The following CDK17 variants were observed in gnomAD, a reference collection of about 807,000 sequenced individuals.
CDK17 encodes cyclin-dependent kinase 17.
Under a neutral mutation model 77.6 loss-of-function variants are expected in CDK17, and 24 were observed. That is an observed-to-expected ratio of 0.31 (90% CI 0.22 to 0.44). CDK17 has a LOEUF of 0.44. Ranked by LOEUF, CDK17 falls within the 20% of genes least tolerant of loss-of-function variation. The pLI is 1.00. For missense variants in CDK17, 429 were observed against 622.5 expected, an observed-to-expected ratio of 0.69 and a Z score of 3.31; for synonymous variants, 203 against 210.4, an observed-to-expected ratio of 0.96 and a Z score of 0.30.
chr12:96,297,497 G>A (rs774137951), intron 8 of CDK17, 130 bp downstream of exon 8: 82 of 772,618 alleles, frequency 1.1e-4, no homozygotes, highest in South Asian at 4.6e-4. Flanking sequence ...AAAGTCTCTT[G>A]GGCTGTTAAA....
chr12:96,297,572 T>C (rs1192651641), intron 8 of CDK17, 55 bp downstream of exon 8: 6 of 1,155,122 alleles, frequency 5.2e-6, no homozygotes, highest in Admixed American at 2.3e-5. Flanking sequence ...AAAAGTCCAA[T>C]TTACTATGTT....
At chr12:96,309,118 C>T (rs1368526021) in intron 5 of CDK17, among the ~76,000 whole-genome samples, 1 of 152,174 alleles carries the variant, frequency 6.6e-6, no homozygotes, top group Non-Finnish European at 1.5e-5. Context: ...ACCTCTAAGG[C>T]TTTTCATTCT....
In CDK17 at chr12:96,280,172, T is replaced by C. The variant is rs1565800216; in HGVS notation, c.*70A>G. ...ATTCCAAGTCCACCAAAAGAAATAA[T>C]TGCCTTCAGTTCTGAGTCCTTGATT... On this transcript the variant is annotated 3_prime_UTR_variant, in exon 17 of 17. Coordinates refer to ENST00000261211, the MANE Select transcript of CDK17 (RefSeq NM_002595.5). 15 of 1,463,038 alleles carry C rather than the reference T, an allele frequency of 1.0e-5. No individual in the cohort carries two copies. Among genetic ancestry groups the C allele is most frequent in the Middle Eastern group, 1.7e-4 (1 of 5,760 alleles). The allele number at this position is 1,463,038 out of a possible 1,614,324, so 90.6% of individuals were successfully genotyped here. A position where few individuals can be genotyped will look rare whatever the true frequency, so the allele number is the denominator to read the frequency against.
rs776623055 is a variant in CDK17, at chr12:96,311,095, G to A, written c.500C>T (p.Pro167Leu). 1.2e-6 allele frequency: 2 copies of A among 1,601,832 alleles called. No individual in the cohort carries two copies. Among genetic ancestry groups the A allele is most frequent in the Admixed American group, 3.5e-5 (2 of 56,808 alleles). Residue 167 changes from proline to leucine, a missense_variant, in exon 5 of 17, where the codon CCA becomes CTA. Pro to Leu is a moderately conservative substitution (Grantham distance 98). Coordinates refer to ENST00000261211, the MANE Select transcript of CDK17 (RefSeq NM_002595.5). Reference protein sequence around the residue: ...YLEKLQINSPPFDQPMSRRSR... With the variant: ...YLEKLQINSPLFDQPMSRRSR... ...CCTTCGACTCATTGGTTGGTCAAAT[G>A]GTGGACTGTTTATCTGCAACTTTTC...
intron 10 of CDK17, among the ~76,000 whole-genome samples, chr12:96,292,605 AAAAC>A (rs201529081): frequency 0.013 from 1,933 of 152,284 alleles, 25 homozygotes; most frequent in Middle Eastern, 0.031. Flanking sequence ...ACCCTGTCTC[AAAAC>A]AAACAACCAA....
chr12:96,327,852 A>G (rs1952911646), intron 2 of CDK17, among the ~76,000 whole-genome samples: 1 of 152,120 alleles, frequency 6.6e-6, no homozygotes, highest in Admixed American at 6.6e-5. Context: ...TAGCCCCAAA[A>G]TATTTTTAAA....
chr12:96,351,890 A>G (rs1953317768), intron 1 of CDK17, among the ~76,000 whole-genome samples: 2 of 152,216 alleles, frequency 1.3e-5, no homozygotes, highest in Non-Finnish European at 2.9e-5. Flanking sequence ...GACGCTCACA[A>G]AAGACTGTTG....
At chr12:96,356,204 A>G (rs1279469357) in intron 1 of CDK17, among the ~76,000 whole-genome samples, 1 of 152,250 alleles carries the variant, frequency 6.6e-6, no homozygotes, top group Admixed American at 6.5e-5. Context: ...GAATGTTTTC[A>G]TAATTATTTC....
At chr12:96,280,757 T>C in intron 16 of CDK17, 51 bp downstream of exon 16, 1 of 1,604,386 alleles carries the variant, frequency 6.2e-7, no homozygotes, top group Non-Finnish European at 8.5e-7. Flanking sequence ...AAAGCTTGGT[T>C]CCACGCAAAA....
rs924775129 is a variant in CDK17 at position 96,383,099 on chromosome 12, T to C, written c.-30+16887A>G. On this transcript the variant is annotated intron_variant, in intron 1 of 16. Coordinates refer to ENST00000261211, the MANE Select transcript of CDK17 (RefSeq NM_002595.5). ...TACAAAATCAATGAATAAAAATCAG[T>C]AGCATTTCTATATTACAACATTCTA... 2.6e-5 allele frequency among the ~76,000 whole-genome samples: 4 copies of C among 152,290 alleles called. No individual in the cohort carries two copies. In the South Asian group the frequency reaches 6.2e-4, roughly 24 times the overall value.
chr12:96,388,245 T>C (rs961015916), intron 1 of CDK17, among the ~76,000 whole-genome samples: 1 of 152,030 alleles, frequency 6.6e-6, no homozygotes, highest in African/African-American at 2.4e-5. Flanking sequence ...ACAGGGAAAA[T>C]GGTTCAAAGA....
At chr12:96,352,769 A>C (rs764708450) in intron 1 of CDK17, among the ~76,000 whole-genome samples, 2 of 152,260 alleles carry the variant, frequency 1.3e-5, no homozygotes, top group Non-Finnish European at 2.9e-5. Flanking sequence ...AATGTGACCC[A>C]TAATCAAGAG....
At chr12:96,308,094 A>G (rs1952599191) in intron 5 of CDK17, among the ~76,000 whole-genome samples, 2 of 152,082 alleles carry the variant, frequency 1.3e-5, no homozygotes. Context: ...TAGAATATCT[A>G]ATCTGGCCCA....
intron 2 of CDK17, among the ~76,000 whole-genome samples, chr12:96,332,182 T>G (rs1429141223): frequency 6.6e-6 from 1 of 152,232 alleles, no homozygotes; most frequent in Non-Finnish European, 1.5e-5. Flanking sequence ...TAACAGGTTG[T>G]ACCATGTAGG....
intron 1 of CDK17, among the ~76,000 whole-genome samples, chr12:96,345,821 T>A (rs1953200718): frequency 6.6e-6 from 1 of 152,146 alleles, no homozygotes; most frequent in South Asian, 2.1e-4. Flanking sequence ...TAGAATGGTA[T>A]GCTATTTTAA....
At chr12:96,390,959 C>T (rs576801160) in intron 1 of CDK17, among the ~76,000 whole-genome samples, 3 of 151,618 alleles carry the variant, frequency 2.0e-5, no homozygotes, top group South Asian at 2.1e-4. Flanking sequence ...TGGTGGCACA[C>T]GCCTATAATC....
chr12:96,327,748 CTA>C (rs1340390577), intron 2 of CDK17, among the ~76,000 whole-genome samples: 14 of 151,948 alleles, frequency 9.2e-5, no homozygotes, highest in Non-Finnish European at 5.9e-5. Flanking sequence ...TGGGGTTTTG[CTA>C]TGTTTCCCAG....
At chr12:96,376,879 T>A (rs1022645274) in intron 1 of CDK17, among the ~76,000 whole-genome samples, 5 of 152,080 alleles carry the variant, frequency 3.3e-5, no homozygotes, top group African/African-American at 1.2e-4. Flanking sequence ...AATTGATACA[T>A]GAATAATCCA....
intron 1 of CDK17, among the ~76,000 whole-genome samples, chr12:96,397,782 G>A (rs1029318086): frequency 5.9e-5 from 9 of 152,058 alleles, no homozygotes; most frequent in Admixed American, 5.9e-4. Flanking sequence ...CCTCAATATG[G>A]CCTTTCAATA....
Sources: gnomAD v4.1 joint callset for allele counts (sites outside exome capture counted in the v4.1 genomes callset) on GRCh38, gnomAD v4.1.1 for gene constraint, MANE v1.5 for transcripts, NCBI Gene and HGNC (gene_info 2026-07-23, HGNC 2026-07-21) for gene names.